The following SP100 variants were observed in gnomAD, a reference collection of about 807,000 sequenced individuals.
The protein encoded by SP100 is nuclear autoantigen Sp-100.
In SP100, 84 loss-of-function variants were observed where a neutral mutation model predicts 130.0. The observed-to-expected ratio is 0.65, with a 90% CI of 0.54 to 0.77. The LOEUF (loss-of-function observed/expected upper bound fraction) is 0.77, where lower values mean the gene tolerates loss of function less well. SP100 is among the 30% of genes least tolerant of loss of function. The pLI, the probability that SP100 is intolerant of heterozygous loss-of-function variation, is 0.00. For synonymous variants in SP100, 331 were observed against 351.7 expected (o/e 0.94, Z 0.66); for missense variants, 978 against 1,052.2 (o/e 0.93, Z 0.97).
intron 4 of SP100, among the ~76,000 whole-genome samples, chr2:230,445,928 C>G (rs115290110): frequency 0.011 from 1,627 of 152,094 alleles, 37 homozygotes; most frequent in African/African-American, 0.037. Context: ...CCCAGCACAG[C>G]AAGCCCACCC....
intron 5 of SP100, among the ~76,000 whole-genome samples, chr2:230,448,687 C>T (rs1307170768): frequency 6.6e-6 from 1 of 152,146 alleles, no homozygotes; most frequent in Non-Finnish European, 1.5e-5. Flanking sequence ...AAAGCATGAA[C>T]AGATGTGGAG....
In SP100 at chr2:230,494,608, T is replaced by C. The variant is rs73998832; in HGVS notation, c.1645+148T>C. 6.9e-3 allele frequency: 4,490 copies of C among 648,062 alleles called. 151 individuals carry two copies. The African/African-American group carries it at 0.075, about 11-fold the overall frequency. 40.1% of individuals were successfully genotyped at this position (648,062 alleles called of 1,614,324 possible). A position where few individuals can be genotyped will look rare whatever the true frequency, so the allele number is the denominator to read the frequency against. On this transcript the variant is annotated intron_variant, in intron 18 of 28. Transcript: ENST00000340126. Reference sequence around the variant, plus strand: ...ATTCTTTAGAGTACCAGCTAAGTCATTGTAACAAACAGATCCCAAAATACA... The same window carrying C: ...ATTCTTTAGAGTACCAGCTAAGTCACTGTAACAAACAGATCCCAAAATACA...
rs528312665 is a variant in SP100 at position 230,489,479 on chromosome 2, G to GT, written c.1601-4930dup. Among the ~76,000 whole-genome samples the GT allele has an allele frequency of 1.5e-3, 234 of 151,354 alleles. 3 individuals carry two copies. The highest frequency in any genetic ancestry group is 5.4e-3 in the African/African-American group (221 of 41,286). On this transcript the variant is annotated intron_variant, in intron 17 of 28. Transcript: ENST00000340126. Reference sequence around the variant, plus strand: ...AATTTTTTCAAATAACCAGCTCCTGGTTTTTTTGGAGAGTTTTTCATATCT... The same window carrying GT: ...AATTTTTTCAAATAACCAGCTCCTGGTTTTTTTTGGAGAGTTTTTCATATCT...
chr2:230,533,989 A>C (rs2150110773), intron 24 of SP100, among the ~76,000 whole-genome samples: 1 of 152,358 alleles, frequency 6.6e-6, no homozygotes, highest in East Asian at 1.9e-4. Flanking sequence ...AGAGCTAATG[A>C]AATATTTTTA....
intron 2 of SP100, among the ~76,000 whole-genome samples, chr2:230,419,496 A>C (rs777878883): frequency 6.6e-6 from 1 of 152,236 alleles, no homozygotes; most frequent in Non-Finnish European, 1.5e-5. Flanking sequence ...AAGCACAAGA[A>C]GGTTGATGCT....
intron 22 of SP100, among the ~76,000 whole-genome samples, chr2:230,507,598 T>C (rs1016891341): frequency 6.6e-6 from 1 of 152,056 alleles, no homozygotes; most frequent in African/African-American, 2.4e-5. Context: ...GAAGAGAAAG[T>C]CATTTCTGGC....
intron 27 of SP100, 51 bp downstream of exon 27, chr2:230,541,423 G>T (rs1692171293): frequency 1.4e-6 from 2 of 1,460,086 alleles, no homozygotes; most frequent in African/African-American, 2.8e-5. Flanking sequence ...TCAAATCTGT[G>T]ATCTGAATCC....
At chr2:230,528,648 T>C (rs1691549110) in intron 24 of SP100, among the ~76,000 whole-genome samples, 1 of 152,144 alleles carries the variant, frequency 6.6e-6, no homozygotes, top group Non-Finnish European at 1.5e-5. Flanking sequence ...AGCTTGTTTT[T>C]TGAAAAGACC....
intron 2 of SP100, among the ~76,000 whole-genome samples, chr2:230,439,471 C>T (rs542866889): frequency 6.6e-6 from 1 of 152,260 alleles, no homozygotes; most frequent in South Asian, 2.1e-4. Context: ...TCTGTGATTT[C>T]TTTCAGCAGT....
chr2:230,434,282 A>G (rs1193032224), intron 2 of SP100, among the ~76,000 whole-genome samples: 1 of 152,184 alleles, frequency 6.6e-6, no homozygotes, highest in Non-Finnish European at 1.5e-5. Context: ...ATTTACAATA[A>G]TGTACTTAAC....
intron 24 of SP100, among the ~76,000 whole-genome samples, chr2:230,525,319 T>C (rs1691370170): frequency 6.6e-6 from 1 of 152,154 alleles, no homozygotes; most frequent in South Asian, 2.1e-4. Flanking sequence ...TTAGATAATA[T>C]TATTTAAAAC....
At chr2:230,500,025 C>G (rs2066928699) in intron 19 of SP100, among the ~76,000 whole-genome samples, 1 of 152,072 alleles carries the variant, frequency 6.6e-6, no homozygotes, top group South Asian at 2.1e-4. Context: ...GTACTGGGCT[C>G]CTATTGTGGC....
intron 2 of SP100, among the ~76,000 whole-genome samples, chr2:230,436,470 ATCTGATGG>A (rs1382230919): frequency 1.1e-4 from 16 of 151,896 alleles, no homozygotes; most frequent in Admixed American, 1.1e-3. Context: ...TTCTCATGAG[ATCTGATGG>A]TATAAGGGCC....
chr2:230,458,940 A>C (rs1038964329), intron 8 of SP100, among the ~76,000 whole-genome samples: 1 of 152,186 alleles, frequency 6.6e-6, no homozygotes, highest in Non-Finnish European at 1.5e-5. Context: ...GCAACATTAC[A>C]TATGGGACAA....
At chr2:230,447,751 C>T (rs756507973) in intron 5 of SP100, among the ~76,000 whole-genome samples, 2 of 152,194 alleles carry the variant, frequency 1.3e-5, no homozygotes, top group Non-Finnish European at 2.9e-5. Flanking sequence ...ATTTCTGAAC[C>T]CAGTCACTTA....
chr2:230,510,847 A>T, intron 23 of SP100: 2 of 484,410 alleles, frequency 4.1e-6, no homozygotes, highest in East Asian at 7.9e-5. Flanking sequence ...AGGAGGACCG[A>T]TAGAGTTGCT....
intron 24 of SP100, among the ~76,000 whole-genome samples, chr2:230,529,082 C>T (rs1480696799): frequency 6.6e-6 from 1 of 152,212 alleles, no homozygotes; most frequent in African/African-American, 2.4e-5. Context: ...TTTTATGAGG[C>T]TAGCATCATC....
intron 2 of SP100, among the ~76,000 whole-genome samples, chr2:230,438,328 A>G (rs6730329): frequency 0.67 from 101,276 of 151,798 alleles, 34,858 homozygotes; most frequent in African/African-American, 0.74. Flanking sequence ...TTGGTTACAT[A>G]GATAAGTTCA....
chr2:230,446,545 T>C (rs756693767), intron 4 of SP100, among the ~76,000 whole-genome samples: 3 of 152,260 alleles, frequency 2.0e-5, no homozygotes, highest in Non-Finnish European at 4.4e-5. Context: ...TACCCTGCCA[T>C]CTGACAATTT....
Sources: allele counts gnomAD v4.1 joint callset (sites outside exome capture counted in the v4.1 genomes callset), GRCh38; gene constraint gnomAD v4.1.1; transcripts MANE v1.5; gene names NCBI Gene and HGNC (gene_info 2026-07-23, HGNC 2026-07-21).